GRID2: variants seen among roughly 807,000 people sequenced by gnomAD.
GRID2 encodes glutamate ionotropic receptor delta type subunit 2, also known as glutamate receptor ionotropic, delta-2.
A neutral mutation model predicts 114.8 loss-of-function variants in GRID2; 33 were observed. The ratio of observed to expected loss-of-function variants is 0.29; its 90% CI spans 0.22 to 0.38. The LOEUF is 0.38. Among genes scored for constraint, GRID2 ranks in the 10% least tolerant of loss-of-function variants. The pLI is 1.00. For synonymous variants in GRID2, 505 were observed against 449.9 expected (o/e 1.12, Z -1.55); for missense variants, 1,184 against 1,257.7 (o/e 0.94, Z 0.89).
At chr4:93,722,409 C>T (rs1162557849) in intron 14 of GRID2, among the ~76,000 whole-genome samples, 2 of 152,238 alleles carry the variant, frequency 1.3e-5, no homozygotes, top group South Asian at 4.2e-4. Context: ...AATTTCTAAA[C>T]TCAGAAACAT....
intron 14 of GRID2, among the ~76,000 whole-genome samples, chr4:93,766,729 T>C (rs1733708543): frequency 6.6e-6 from 1 of 152,192 alleles, no homozygotes; most frequent in Non-Finnish European, 1.5e-5. Context: ...TCCAAGGTAA[T>C]CAATGGTGCT....
At chr4:92,444,251 G>A (rs906903911) in intron 1 of GRID2, among the ~76,000 whole-genome samples, 1 of 148,206 alleles carries the variant, frequency 6.7e-6, no homozygotes, top group Admixed American at 6.6e-5. Flanking sequence ...TTGTGTGAGC[G>A]ACACATCTGC....
chr4:92,713,499 A>G (rs1353463140), intron 2 of GRID2, among the ~76,000 whole-genome samples: 10 of 128,916 alleles, frequency 7.8e-5, no homozygotes, highest in African/African-American at 2.0e-4. Flanking sequence ...ATATATATAT[A>G]TATATATATA....
intron 2 of GRID2, among the ~76,000 whole-genome samples, chr4:92,979,386 C>G (rs1481408775): frequency 6.6e-6 from 1 of 151,402 alleles, no homozygotes; most frequent in African/African-American, 2.4e-5. Context: ...CTGTTCTATA[C>G]TTTTGATACA....
chr4:93,108,624 A>AT (rs66780792), intron 3 of GRID2, among the ~76,000 whole-genome samples: 12 of 142,768 alleles, frequency 8.4e-5, no homozygotes, highest in South Asian at 4.4e-4. Flanking sequence ...TCTGACATGT[A>AT]TTTTTTTTTT....
At chr4:93,280,798 A>T (rs983855030) in intron 8 of GRID2, among the ~76,000 whole-genome samples, 4 of 151,980 alleles carry the variant, frequency 2.6e-5, no homozygotes, top group African/African-American at 9.7e-5. Flanking sequence ...AAATATAATA[A>T]TATTGCAATT....
intron 14 of GRID2, among the ~76,000 whole-genome samples, chr4:93,765,795 AT>A (rs1578767607): frequency 1.3e-5 from 2 of 152,064 alleles, no homozygotes; most frequent in Admixed American, 1.3e-4. Context: ...GAAGGAAGGA[AT>A]AAATGAACAT....
chr4:92,454,697 G>T (rs893484663), intron 1 of GRID2, among the ~76,000 whole-genome samples: 1 of 152,138 alleles, frequency 6.6e-6, no homozygotes, highest in Non-Finnish European at 1.5e-5. Flanking sequence ...TTAGCCGGGC[G>T]TGTTGGCAGG....
chr4:93,400,458 AT>A (rs1765766670), intron 9 of GRID2, among the ~76,000 whole-genome samples: 1 of 152,076 alleles, frequency 6.6e-6, no homozygotes, highest in Non-Finnish European at 1.5e-5. Flanking sequence ...AATTATGAAG[AT>A]TTTCCCGTTT....
At chr4:92,739,527 A>G (rs531356951) in intron 2 of GRID2, among the ~76,000 whole-genome samples, 6 of 152,156 alleles carry the variant, frequency 3.9e-5, no homozygotes, top group Non-Finnish European at 7.3e-5. Flanking sequence ...GAAAGTGGAC[A>G]AAATAAATAA....
intron 1 of GRID2, among the ~76,000 whole-genome samples, chr4:92,451,827 G>A (rs982611434): frequency 2.6e-5 from 4 of 152,194 alleles, no homozygotes; most frequent in African/African-American, 9.6e-5. Context: ...TATCAAAAGA[G>A]CCTAAGTATT....
chr4:92,704,902 T>C (rs557881136), intron 2 of GRID2, among the ~76,000 whole-genome samples: 45 of 152,234 alleles, frequency 3.0e-4, no homozygotes, highest in Middle Eastern at 3.4e-3. Context: ...TTCACTTGTA[T>C]ATAAATTCTA....
intron 1 of GRID2, among the ~76,000 whole-genome samples, chr4:92,379,096 G>A (rs1262232983): frequency 6.6e-6 from 1 of 151,672 alleles, no homozygotes; most frequent in African/African-American, 2.4e-5. Flanking sequence ...TTTGGTACCA[G>A]AATAACAAGG....
rs557478520 is a variant in GRID2 at position 93,719,656 on chromosome 4, A to G, written c.2361-49554A>G. Among the ~76,000 whole-genome samples the G allele has an allele frequency of 5.6e-4, 85 of 152,308 alleles. 1 individual carries two copies. The highest frequency in any genetic ancestry group is 9.7e-4 in the Non-Finnish European group (66 of 68,020). On this transcript the variant is annotated intron_variant, in intron 14 of 15. Transcript: ENST00000282020. Reference sequence around the variant, plus strand: ...AATCTATAGTTTTACTACACACTTAATAAATACTTAATACTAATGATGATC... The same window carrying G: ...AATCTATAGTTTTACTACACACTTAGTAAATACTTAATACTAATGATGATC...
At chr4:92,735,766 T>A (rs1317679174) in intron 2 of GRID2, among the ~76,000 whole-genome samples, 1 of 152,072 alleles carries the variant, frequency 6.6e-6, no homozygotes, top group East Asian at 1.9e-4. Flanking sequence ...TATCATAAGA[T>A]CTCTTTCAGG....
chr4:93,030,639 C>T (rs188885465), intron 2 of GRID2, among the ~76,000 whole-genome samples: 31 of 152,234 alleles, frequency 2.0e-4, no homozygotes, highest in African/African-American at 5.5e-4. Context: ...CCCACTTTGG[C>T]CTCCCAAAGT....
At chr4:92,384,541 A>T (rs1415376456) in intron 1 of GRID2, among the ~76,000 whole-genome samples, 1 of 61,018 alleles carries the variant, frequency 1.6e-5, no homozygotes, top group African/African-American at 7.2e-5. Flanking sequence ...ATATAATATA[A>T]TATATAATAT....
chr4:92,649,422 T>C (rs749010579), intron 2 of GRID2, among the ~76,000 whole-genome samples: 5 of 148,962 alleles, frequency 3.4e-5, no homozygotes, highest in Non-Finnish European at 4.5e-5. Context: ...TCTTCTGCCT[T>C]TTTTTTTTCT....
intron 14 of GRID2, among the ~76,000 whole-genome samples, chr4:93,733,594 C>A (rs912080129): frequency 6.6e-6 from 1 of 152,126 alleles, no homozygotes; most frequent in Non-Finnish European, 1.5e-5. Flanking sequence ...ACCTACCTAC[C>A]TGTCTATAAA....
Sources: gnomAD v4.1 joint callset for allele counts (sites outside exome capture counted in the v4.1 genomes callset) on GRCh38, gnomAD v4.1.1 for gene constraint, MANE v1.5 for transcripts, NCBI Gene and HGNC (gene_info 2026-07-23, HGNC 2026-07-21) for gene names.